The following NHSL2 variants were observed in gnomAD, a reference collection of about 807,000 sequenced individuals.
NHSL2 encodes the protein NHS like 2, also known as NHS-like protein 2.
NHSL2 carries 27 observed loss-of-function variants against 53.4 expected under a neutral mutation model. The observed-to-expected ratio is 0.51, with a 90% CI of 0.37 to 0.70. The LOEUF (loss-of-function observed/expected upper bound fraction) is 0.70. Among genes scored for constraint, NHSL2 ranks in the 30% least tolerant of loss-of-function variants. NHSL2 has a pLI of 0.00. For missense variants in NHSL2, 892 were observed against 980.1 expected, an observed-to-expected ratio of 0.91 and a Z score of 1.20; for synonymous variants, 408 against 404.1, an observed-to-expected ratio of 1.01 and a Z score of -0.12.
chrX:71,943,836 A>C (rs1471169348), intron 1 of NHSL2, among the ~76,000 whole-genome samples: 2 of 112,377 alleles, frequency 1.8e-5, no homozygotes, highest in Non-Finnish European at 3.8e-5. Context: ...CATAACAAAA[A>C]GTTTAGAGTT....
intron 1 of NHSL2, among the ~76,000 whole-genome samples, chrX:72,033,908 A>G (rs1022256668): frequency 8.9e-6 from 1 of 112,214 alleles, no homozygotes; most frequent in Non-Finnish European, 1.9e-5. Context: ...TGCACCAGCT[A>G]GAGCTTCCAG....
chrX:72,109,073 G>C (rs757299456), intron 1 of NHSL2, among the ~76,000 whole-genome samples: 3 of 110,937 alleles, frequency 2.7e-5, no homozygotes, highest in Non-Finnish European at 5.7e-5. Context: ...CTCTTTGTGC[G>C]GCTGGTTCCT....
intron 1 of NHSL2, among the ~76,000 whole-genome samples, chrX:72,105,809 A>T (rs1442486090): frequency 8.9e-6 from 1 of 112,432 alleles, no homozygotes; most frequent in Non-Finnish European, 1.9e-5. Context: ...TTGACTTTCG[A>T]TTTTGACGTT....
intron 1 of NHSL2, among the ~76,000 whole-genome samples, chrX:72,003,388 A>C (rs2042080263): frequency 9.0e-6 from 1 of 111,559 alleles, no homozygotes; most frequent in African/African-American, 3.3e-5. Context: ...GCAGAGGGAG[A>C]TAGGAAGGCC....
At chrX:72,044,426 A>G (rs1046561989) in intron 1 of NHSL2, 33 of 438,688 alleles carry the variant, frequency 7.5e-5, no homozygotes, top group Non-Finnish European at 1.2e-4. Context: ...ATGAGCATCA[A>G]CCAGTATCCT....
intron 1 of NHSL2, among the ~76,000 whole-genome samples, chrX:72,073,887 A>G (rs1163171230): frequency 2.7e-5 from 3 of 112,451 alleles, no homozygotes; most frequent in Admixed American, 9.4e-5. Context: ...GCAAATCTCT[A>G]TGGCAACAAG....
In NHSL2 at chrX:72,144,227, T is replaced by G. The variant is rs1602408057; in HGVS notation, c.*653T>G. On this transcript the variant is annotated 3_prime_UTR_variant, in exon 8 of 8. Transcript: ENST00000633930. ...TTGATTGTCTACATGGAGATCAGGG[T>G]GATAAGTTTCAATAAACATATAGAC... is the stretch of plus-strand genomic sequence containing the variant. 1 of 161,103 alleles carries G rather than the reference T, an allele frequency of 6.2e-6. No individual in the cohort carries two copies. Among genetic ancestry groups the G allele is most frequent in the African/African-American group, 3.1e-5 (1 of 32,442 alleles). The allele number at this position is 161,103 out of a possible 1,213,427, so 13.3% of individuals were successfully genotyped here.
chrX:72,133,817 G>T, intron 2 of NHSL2: 1 of 245,373 alleles, frequency 4.1e-6, no homozygotes, highest in Non-Finnish European at 7.3e-6. Flanking sequence ...TCGTAACTGA[G>T]CACTCAAGGT....
chrX:72,122,151 A>G (rs1374487252), intron 1 of NHSL2, among the ~76,000 whole-genome samples: 1 of 111,963 alleles, frequency 8.9e-6, no homozygotes. Flanking sequence ...TTATTCTGAG[A>G]AGGAATCCGG....
At position 71,978,005 on chromosome X, in the gene NHSL2, G is replaced by A. The variant is rs1308529060; in HGVS notation, c.280+66638G>A. ...TGCTACTTACTCTCTGTGTGGCCAT[G>A]GGAAGTTACCTAACCTCCCTTGACC... On this transcript the variant is annotated intron_variant, in intron 1 of 7. Coordinates refer to ENST00000633930, the MANE Select transcript of NHSL2 (RefSeq NM_001013627.3). Among the ~76,000 whole-genome samples, 5 of 110,994 alleles carry A rather than the reference G, an allele frequency of 4.5e-5. No homozygotes were observed. The South Asian group carries it at 1.2e-3, about 26-fold the overall frequency.
intron 1 of NHSL2, among the ~76,000 whole-genome samples, chrX:71,991,517 C>T (rs1338863970): frequency 8.9e-6 from 1 of 112,674 alleles, no homozygotes; most frequent in Non-Finnish European, 1.9e-5. Flanking sequence ...TGGAATATGC[C>T]GTTAGTATTT....
chrX:72,098,981 AT>A (rs1309160348), intron 1 of NHSL2, among the ~76,000 whole-genome samples: 3 of 111,577 alleles, frequency 2.7e-5, no homozygotes, highest in Non-Finnish European at 5.6e-5. Flanking sequence ...TTCCTTGCCC[AT>A]TTTTTTCAAC....
chrX:71,944,567 T>A (rs2041783803), intron 1 of NHSL2, among the ~76,000 whole-genome samples: 2 of 111,928 alleles, frequency 1.8e-5, no homozygotes, highest in African/African-American at 6.5e-5. Flanking sequence ...AGGAAGAGCC[T>A]GTGTAGAGCA....
In NHSL2 at chrX:72,138,834, A is replaced by C; in HGVS notation, c.1286A>C (p.Lys429Thr). 2 of 1,210,600 alleles carry C rather than the reference A, an allele frequency of 1.7e-6. No homozygotes were observed. Among genetic ancestry groups the C allele is most frequent in the Non-Finnish European group, 2.2e-6 (2 of 894,557 alleles). The change falls in exon 6 of 8, where the codon AAA becomes ACA. Residue 429 changes from lysine to threonine, a missense_variant. Transcript: ENST00000633930. ...GGGAATTCTTGGGTCTCTCTAAACA[A>C]AGTCCCACCTCTGGTTCCTAAGGAG... ...SCGNSWVSLN[K>T]VPPLVPKEAA... is the part of the protein sequence containing the mutation.
chrX:72,056,590 A>G (rs1037660580), intron 1 of NHSL2, among the ~76,000 whole-genome samples: 3 of 112,082 alleles, frequency 2.7e-5, no homozygotes, highest in Non-Finnish European at 5.6e-5. Flanking sequence ...GCTCACACAC[A>G]GACTGGCATG....
At chrX:71,946,055 A>G (rs1367154788) in intron 1 of NHSL2, among the ~76,000 whole-genome samples, 1 of 112,218 alleles carries the variant, frequency 8.9e-6, no homozygotes, top group Non-Finnish European at 1.9e-5. Context: ...AGATCGGCTC[A>G]TTGTCTTCAG....
chrX:72,110,989 G>A (rs2042088594), intron 1 of NHSL2, among the ~76,000 whole-genome samples: 1 of 111,155 alleles, frequency 9.0e-6, no homozygotes, highest in Non-Finnish European at 1.9e-5. Context: ...ATTATTTTAA[G>A]AAAAAAAAAT....
intron 5 of NHSL2, among the ~76,000 whole-genome samples, chrX:72,138,073 G>A (rs921303159): frequency 2.0e-4 from 22 of 111,503 alleles, no homozygotes; most frequent in African/African-American, 7.2e-4. Flanking sequence ...TCCTTAGTTC[G>A]GAAGCCTCTA....
rs548649894 is a variant in NHSL2, at chrX:72,104,665, T to C, written c.281-27414T>C. Among the ~76,000 whole-genome samples, 5 of 111,740 alleles carry C rather than the reference T, an allele frequency of 4.5e-5. No individual in the cohort carries two copies. In the South Asian group the frequency reaches 1.9e-3, roughly 42 times the overall value. On this transcript the variant is annotated intron_variant, in intron 1 of 7. Transcript: ENST00000633930. The stretch of plus-strand genomic sequence containing the variant: ...AGTCAGGAGGAAGAGTGGATTAGGA[T>C]AGCAGGAGAGGTTCTATTTTAAGTA...
Sources: gnomAD v4.1 joint callset for allele counts (sites outside exome capture counted in the v4.1 genomes callset) on GRCh38, gnomAD v4.1.1 for gene constraint, MANE v1.5 for transcripts, NCBI Gene and HGNC (gene_info 2026-07-23, HGNC 2026-07-21) for gene names.